MALRD1: variants seen among roughly 807,000 people sequenced by gnomAD.
The protein encoded by MALRD1 is MAM and LDL-receptor class A domain-containing protein 1.
Under a neutral mutation model 242.1 loss-of-function variants are expected in MALRD1, and 247 were observed. The ratio of observed to expected loss-of-function variants is 1.02; its 90% CI spans 0.92 to 1.13. The LOEUF (loss-of-function observed/expected upper bound fraction) is 1.13. Among genes scored for constraint, MALRD1 ranks in the 50% most tolerant of loss-of-function variants. The pLI, the probability that MALRD1 is intolerant of heterozygous loss-of-function variation, is 0.00. For missense variants in MALRD1, 2,989 were observed against 2,533.1 expected, an observed-to-expected ratio of 1.18 and a Z score of -3.86; for synonymous variants, 995 against 866.6, an observed-to-expected ratio of 1.15 and a Z score of -2.60.
chr10:19,293,428 C>G (rs148715356), intron 21 of MALRD1, among the ~76,000 whole-genome samples: 1 of 152,202 alleles, frequency 6.6e-6, no homozygotes, highest in Admixed American at 6.5e-5. Context: ...AAAACAATGT[C>G]CTTATTTTAG....
intron 1 of MALRD1, among the ~76,000 whole-genome samples, chr10:19,056,714 T>C (rs1449195927): frequency 6.6e-6 from 1 of 152,230 alleles, no homozygotes; most frequent in African/African-American, 2.4e-5. Flanking sequence ...GGACTTCCAG[T>C]TCTATGCTGA....
At chr10:19,123,729 C>G in intron 6 of MALRD1, 136 bp downstream of exon 6, 1 of 436,710 alleles carries the variant, frequency 2.3e-6, no homozygotes, top group Non-Finnish European at 3.8e-6. Flanking sequence ...TTTTGGGAGG[C>G]TGTGGTGGTT....
At position 19,113,834 on chromosome 10, in the gene MALRD1, C is replaced by CACACAG. The variant is rs546139476; in HGVS notation, c.695-9653_695-9652insGACACA. Among the ~76,000 whole-genome samples, 156 of 149,978 alleles carry CACACAG rather than the reference C, an allele frequency of 1.0e-3. 1 individual carries two copies. In the Middle Eastern group the frequency reaches 0.01, roughly 10 times the overall value. ...ACACACACACACACACACACACAGA[C>CACACAG]ACACACACACAGACACATGTGTATT... is the stretch of plus-strand genomic sequence containing the variant. On this transcript the variant is annotated intron_variant, in intron 5 of 39. Coordinates refer to ENST00000454679, the MANE Select transcript of MALRD1 (RefSeq NM_001142308.3).
At chr10:19,235,205 G>A (rs1838258347) in intron 18 of MALRD1, among the ~76,000 whole-genome samples, 1 of 152,048 alleles carries the variant, frequency 6.6e-6, no homozygotes, top group Admixed American at 6.6e-5. Flanking sequence ...GGCTGTAAGG[G>A]GGACACGTTT....
At position 19,486,930 on chromosome 10, in the gene MALRD1, A is replaced by G. The variant is rs1307353003; in HGVS notation, c.5030-4587A>G. Among the ~76,000 whole-genome samples the G allele has an allele frequency of 3.3e-5, 5 of 152,130 alleles. No homozygotes were observed. The East Asian group carries it at 9.6e-4, about 29-fold the overall frequency. Reference sequence around the variant, plus strand: ...TAAATCTACAGTAGATTAGTCCTATATAAACCTTATGTTCTTACTGGATTA... The same window carrying G: ...TAAATCTACAGTAGATTAGTCCTATGTAAACCTTATGTTCTTACTGGATTA... On this transcript the variant is annotated intron_variant, in intron 29 of 39. Transcript: ENST00000454679.
chr10:19,177,206 A>T (rs1835297485), intron 14 of MALRD1, among the ~76,000 whole-genome samples: 1 of 151,320 alleles, frequency 6.6e-6, no homozygotes, highest in South Asian at 2.1e-4. Context: ...CGTGAACCGA[A>T]GAGGCGGAGC....
chr10:19,563,552 T>G (rs1158789421), intron 32 of MALRD1, among the ~76,000 whole-genome samples: 1 of 152,204 alleles, frequency 6.6e-6, no homozygotes, highest in Admixed American at 6.5e-5. Context: ...ACACTGGTTT[T>G]AATAAGCTAC....
chr10:19,376,542 C>CATTTTTTTTTTTTTTTTTTTT lies in MALRD1; in HGVS notation c.4442-10986_4442-10985insATTTTTTTTTTTTTTTTTTTT, dbSNP rs1554842468. Among the ~76,000 whole-genome samples the CATTTTTTTTTTTTTTTTTTTT allele has an allele frequency of 2.1e-5, 2 of 94,992 alleles. 1 individual carries two copies. 62.3% of individuals were successfully genotyped at this position (94,992 alleles called of 152,430 possible). A position where few individuals can be genotyped will look rare whatever the true frequency, so the allele number is the denominator to read the frequency against. On this transcript the variant is annotated intron_variant, in intron 26 of 39. Coordinates refer to ENST00000454679, the MANE Select transcript of MALRD1 (RefSeq NM_001142308.3). ...TTGAAAGTCAAGGAGTTGATACATT[C>CATTTTTTTTTTTTTTTTTTTT]TTTTTTTTTTTTTTTTTTTTTTTTT...
chr10:19,442,515 G>A (rs1834725090), intron 28 of MALRD1, among the ~76,000 whole-genome samples: 1 of 152,110 alleles, frequency 6.6e-6, no homozygotes, highest in Non-Finnish European at 1.5e-5. Flanking sequence ...TTTATTGAGA[G>A]TTTTTAGCAG....
At chr10:19,412,320 T>G (rs1833307632) in intron 28 of MALRD1, among the ~76,000 whole-genome samples, 1 of 152,160 alleles carries the variant, frequency 6.6e-6, no homozygotes, top group South Asian at 2.1e-4. Context: ...TATAATATTA[T>G]GTACTCTCTT....
intron 14 of MALRD1, among the ~76,000 whole-genome samples, chr10:19,177,546 G>A (rs1434138788): frequency 2.0e-5 from 3 of 152,104 alleles, no homozygotes; most frequent in African/African-American, 7.2e-5. Flanking sequence ...AGTTTAATGA[G>A]AGAAAAGCAT....
intron 28 of MALRD1, among the ~76,000 whole-genome samples, chr10:19,406,609 G>A (rs1343072205): frequency 2.0e-5 from 3 of 152,212 alleles, no homozygotes; most frequent in Middle Eastern, 3.4e-3. Context: ...TGTTGTCAGC[G>A]GGTGAGTTAT....
At chr10:19,695,155 G>A (rs4747381) in intron 38 of MALRD1, among the ~76,000 whole-genome samples, 1 of 151,964 alleles carries the variant, frequency 6.6e-6, no homozygotes, top group African/African-American at 2.4e-5. Flanking sequence ...ACACCAACAT[G>A]GTGCATGTAT....
In MALRD1 at chr10:19,331,366, TAG is replaced by T. The variant is rs1588922091; in HGVS notation, c.3688-1_3688del. The T allele has an allele frequency of 1.3e-6, 2 of 1,549,208 alleles. No individual in the cohort carries two copies. Among genetic ancestry groups the T allele is most frequent in the Admixed American group, 3.9e-5 (2 of 50,828 alleles). On this transcript the variant is annotated splice_acceptor_variant, in intron 23 of 39. Coordinates refer to ENST00000454679, the MANE Select transcript of MALRD1 (RefSeq NM_001142308.3). LOFTEE classifies it high-confidence loss of function. ...TTTAACTGTAACTGGCTTTTTTTTT[TAG>T]ATTGTCTTCAGAGCCAAACGTGGTA...
intron 14 of MALRD1, among the ~76,000 whole-genome samples, chr10:19,186,729 GTTC>G (rs774392643): frequency 1.1e-4 from 17 of 152,012 alleles, no homozygotes; most frequent in Middle Eastern, 3.4e-3. Context: ...CAAGATCGTT[GTTC>G]TTCTTCACTC....
intron 32 of MALRD1, among the ~76,000 whole-genome samples, chr10:19,555,895 A>G (rs1044643731): frequency 4.6e-5 from 7 of 152,148 alleles, no homozygotes; most frequent in Admixed American, 2.0e-4. Context: ...TTAGAGATAG[A>G]AAGCATGACA....
Position 19,414,990 on chromosome 10 carries a change from C to CT in MALRD1, c.4845+25388dup, listed in dbSNP as rs201151153. Among the ~76,000 whole-genome samples, 447 of 152,214 alleles carry CT rather than the reference C, an allele frequency of 2.9e-3. 1 individual carries two copies. The highest frequency in any genetic ancestry group is 9.6e-3 in the African/African-American group (397 of 41,542). On this transcript the variant is annotated intron_variant, in intron 28 of 39. Transcript: ENST00000454679. ...ATACCTTCTACTTGAACTCATAACA[C>CT]TTTTTTTCTGTAGAAATAATATTGT...
chr10:19,636,405 A>C (rs1438110723), intron 36 of MALRD1, among the ~76,000 whole-genome samples: 1 of 152,200 alleles, frequency 6.6e-6, no homozygotes, highest in South Asian at 2.1e-4. Context: ...AAACAAAACA[A>C]TTGGGATATA....
At chr10:19,427,318 C>T (rs1035193934) in intron 28 of MALRD1, among the ~76,000 whole-genome samples, 9 of 152,146 alleles carry the variant, frequency 5.9e-5, no homozygotes, top group African/African-American at 1.9e-4. Flanking sequence ...CCTTAATGAG[C>T]ATGGCTATCA....
Sources: allele counts gnomAD v4.1 joint callset (sites outside exome capture counted in the v4.1 genomes callset), GRCh38; gene constraint gnomAD v4.1.1; transcripts MANE v1.5; gene names NCBI Gene and HGNC (gene_info 2026-07-23, HGNC 2026-07-21).